The following SPAST variants were observed in gnomAD, a reference collection of about 807,000 sequenced individuals.
SPAST encodes spastic paraplegia 4 (autosomal dominant; spastin).
In SPAST, 30 loss-of-function variants were observed where a neutral mutation model predicts 76.6. That is an observed-to-expected ratio of 0.39 (90% confidence interval 0.29 to 0.53). The LOEUF (loss-of-function observed/expected upper bound fraction) is 0.53, where lower values mean the gene tolerates loss of function less well. SPAST is among the 20% of genes least tolerant of loss of function. The probability of loss-of-function intolerance (pLI) is 0.68; values close to 1 mark genes in which losing one functional copy is unlikely to be tolerated. For synonymous variants in SPAST, 305 were observed against 281.0 expected (o/e 1.09, Z -0.86); for missense variants, 717 against 770.5 (o/e 0.93, Z 0.82).
At chr2:32,135,662 A>T (rs928137863) in intron 9 of SPAST, among the ~76,000 whole-genome samples, 2 of 151,290 alleles carry the variant, frequency 1.3e-5, no homozygotes, top group Admixed American at 6.6e-5. Context: ...AAATATTTTG[A>T]TATTTATTGG....
At chr2:32,103,018 T>G (rs1358697470) in intron 4 of SPAST, among the ~76,000 whole-genome samples, 4 of 152,220 alleles carry the variant, frequency 2.6e-5, no homozygotes, top group African/African-American at 9.6e-5. Context: ...TTTCTATTGA[T>G]TGGAATCATT....
intron 9 of SPAST, chr2:32,129,279 A>G (rs1679293646): frequency 6.7e-6 from 1 of 149,666 alleles, no homozygotes; most frequent in African/African-American, 2.5e-5. Flanking sequence ...TAATAGAGAC[A>G]CAGTCTCGCT....
intron 1 of SPAST, among the ~76,000 whole-genome samples, chr2:32,083,770 A>ATTTT (rs1422616491): frequency 1.5e-4 from 7 of 48,012 alleles, no homozygotes; most frequent in Admixed American, 2.6e-4. Flanking sequence ...ATATATATAT[A>ATTTT]TATATATTTT....
chr2:32,089,218 T>TTTTTTTTTTTTTTTTTTTTTTTTTTTTTC (rs375850129), intron 2 of SPAST, among the ~76,000 whole-genome samples: 1 of 129,974 alleles, frequency 7.7e-6, no homozygotes, highest in African/African-American at 2.9e-5. Context: ...TTTTTTTTTT[T>TTTTTTTTTTTTTTTTTTTTTTTTTTTTTC]AAGTAGAGAC....
chr2:32,150,238 A>G (rs1320545105), intron 16 of SPAST, among the ~76,000 whole-genome samples: 1 of 85,768 alleles, frequency 1.2e-5, no homozygotes, highest in Non-Finnish European at 2.2e-5. Context: ...ACGCCCAGCT[A>G]ATTTTTTTTT....
chr2:32,091,572 C>T (rs1677718092), intron 3 of SPAST, among the ~76,000 whole-genome samples: 1 of 149,918 alleles, frequency 6.7e-6, no homozygotes, highest in Non-Finnish European at 1.5e-5. Context: ...GTGGCTAACG[C>T]CTGTAATCCC....
chr2:32,098,299 C>G (rs1677997325), intron 3 of SPAST, among the ~76,000 whole-genome samples: 1 of 151,990 alleles, frequency 6.6e-6, no homozygotes, highest in South Asian at 2.1e-4. Flanking sequence ...GACCCCGTCT[C>G]TACAAAAAAT....
At chr2:32,104,352 C>G (rs375929721) in intron 4 of SPAST, among the ~76,000 whole-genome samples, 1 of 152,140 alleles carries the variant, frequency 6.6e-6, no homozygotes, top group Admixed American at 6.5e-5. Context: ...TGTCTCTGCA[C>G]GTGAGATGGG....
intron 16 of SPAST, among the ~76,000 whole-genome samples, chr2:32,151,798 T>C (rs962649835): frequency 6.6e-6 from 1 of 151,834 alleles, no homozygotes; most frequent in Non-Finnish European, 1.5e-5. Flanking sequence ...TAATCCCAGC[T>C]GCTCGGGAGG....
chr2:32,083,750 CTATATA>C (rs869090344), intron 1 of SPAST, among the ~76,000 whole-genome samples: 34 of 62,842 alleles, frequency 5.4e-4, no homozygotes, highest in Non-Finnish European at 8.1e-4. Context: ...TTTATATATA[CTATATA>C]TATATATATA....
chr2:32,124,280 C>G (rs1283427574), intron 7 of SPAST, among the ~76,000 whole-genome samples: 9 of 152,160 alleles, frequency 5.9e-5, no homozygotes, highest in African/African-American at 1.2e-4. Flanking sequence ...TGCTCAACAT[C>G]ATGTCGTTAG....
intron 1 of SPAST, among the ~76,000 whole-genome samples, chr2:32,066,785 G>T (rs1324607344): frequency 6.6e-6 from 1 of 151,902 alleles, no homozygotes; most frequent in East Asian, 1.9e-4. Context: ...ACCAGCCTGG[G>T]CAACATAGTG....
intron 3 of SPAST, among the ~76,000 whole-genome samples, chr2:32,089,979 T>A (rs947007366): frequency 6.6e-6 from 1 of 152,328 alleles, no homozygotes; most frequent in Admixed American, 6.5e-5. Flanking sequence ...TTAGCCAGAA[T>A]GGTGTCCATC....
At chr2:32,107,622 T>G (rs1678376035) in intron 4 of SPAST, among the ~76,000 whole-genome samples, 1 of 152,182 alleles carries the variant, frequency 6.6e-6, no homozygotes. Flanking sequence ...GCATTTTGGA[T>G]TTTTGGGTTA....
chr2:32,152,732 G>C (rs967620289), intron 16 of SPAST, among the ~76,000 whole-genome samples: 2 of 151,638 alleles, frequency 1.3e-5, no homozygotes, highest in African/African-American at 2.4e-5. Context: ...TTTCTTTGGT[G>C]GGGGGTTGCT....
rs983782483 is a variant in SPAST at position 32,154,668 on chromosome 2, A to T, written c.*172A>T. On this transcript the variant is annotated 3_prime_UTR_variant, in exon 17 of 17. Transcript: ENST00000315285. ...CAGAAAACAGACTTAAACAAAATAT[A>T]CAATGCAAATGTAATTTTTTGTTGT... 13 of 671,462 alleles carry T rather than the reference A, an allele frequency of 1.9e-5. No individual in the cohort carries two copies. The South Asian group carries it at 2.4e-4, about 12-fold the overall frequency. 41.6% of individuals were successfully genotyped at this position (671,462 alleles called of 1,614,324 possible).
chr2:32,087,864 T>C (rs927350275), intron 2 of SPAST, among the ~76,000 whole-genome samples: 1 of 34,496 alleles, frequency 2.9e-5, no homozygotes, highest in Non-Finnish European at 6.0e-5. Flanking sequence ...CTTAGCTAAT[T>C]ATTATTATTA....
chr2:32,070,562 A>G (rs1488266507), intron 1 of SPAST, among the ~76,000 whole-genome samples: 5 of 152,216 alleles, frequency 3.3e-5, no homozygotes, highest in Non-Finnish European at 7.3e-5. Flanking sequence ...AGAAATATTT[A>G]TTTCCTCTCC....
rs532027932 is a variant in SPAST, at chr2:32,132,809, A to G, written c.1246-3754A>G. Among the ~76,000 whole-genome samples, 4 of 152,300 alleles carry G rather than the reference A, an allele frequency of 2.6e-5. No homozygotes were observed. In the East Asian group the frequency reaches 7.7e-4, roughly 29 times the overall value. On this transcript the variant is annotated intron_variant, in intron 9 of 16. Coordinates refer to ENST00000315285, the MANE Select transcript of SPAST (RefSeq NM_014946.4). ...AGGTCAGGAGTTTGAGACCAGCCTG[A>G]TTAACATGGAGAAACCCCATGTTTC...
Sources: allele counts gnomAD v4.1 joint callset (sites outside exome capture counted in the v4.1 genomes callset), GRCh38; gene constraint gnomAD v4.1.1; transcripts MANE v1.5; gene names NCBI Gene and HGNC (gene_info 2026-07-23, HGNC 2026-07-21).